SLC26A11: variants seen among roughly 807,000 people sequenced by gnomAD.
SLC26A11 encodes solute carrier family 26 member 11, also known as sodium-independent sulfate anion transporter.
A neutral mutation model predicts 62.2 loss-of-function variants in SLC26A11; 58 were observed. The ratio of observed to expected loss-of-function variants is 0.93; its 90% CI spans 0.76 to 1.16. The LOEUF (loss-of-function observed/expected upper bound fraction) is 1.16. SLC26A11 is among the 50% of genes most tolerant of loss of function. The pLI is 0.00. For synonymous variants in SLC26A11, 411 were observed against 368.9 expected, an observed-to-expected ratio of 1.11 and a Z score of -1.31; for missense variants, 790 against 794.3, an observed-to-expected ratio of 0.99 and a Z score of 0.06.
At chr17:80,221,939 C>T in intron 3 of SLC26A11, 145 bp downstream of exon 3, 1 of 844,508 alleles carries the variant, frequency 1.2e-6, no homozygotes, top group Non-Finnish European at 1.8e-6. Context: ...CGCAGATTGT[C>T]TCTGGGCCGA....
At chr17:80,248,771 T>C in intron 15 of SLC26A11, 97 bp downstream of exon 15, 1 of 1,159,924 alleles carries the variant, frequency 8.6e-7, no homozygotes, top group East Asian at 2.6e-5. Flanking sequence ...TCCCCAACGC[T>C]CTCCAGTCCA....
chr17:80,227,468 A>G (rs941533965), intron 6 of SLC26A11, among the ~76,000 whole-genome samples: 1 of 152,204 alleles, frequency 6.6e-6, no homozygotes, highest in African/African-American at 2.4e-5. Flanking sequence ...GGGCCTCTCC[A>G]CTGCCTGTCC....
chr17:80,250,644 T>C (rs1265352113), intron 16 of SLC26A11, among the ~76,000 whole-genome samples: 1 of 150,070 alleles, frequency 6.7e-6, no homozygotes, highest in East Asian at 2.0e-4. Context: ...CTGGCCAACA[T>C]AGTGAAACTC....
chr17:80,234,852 C>CTTT (rs558869151), intron 7 of SLC26A11, among the ~76,000 whole-genome samples: 6 of 135,974 alleles, frequency 4.4e-5, no homozygotes, highest in Non-Finnish European at 9.6e-5. Flanking sequence ...CTTTTTTTTT[C>CTTT]TTTTTTTTTT....
intron 13 of SLC26A11, among the ~76,000 whole-genome samples, chr17:80,247,713 G>C (rs2043045532): frequency 6.6e-6 from 1 of 152,216 alleles, no homozygotes; most frequent in Admixed American, 6.5e-5. Context: ...AGCCAGGGTG[G>C]GGCAGGCCTG....
At chr17:80,248,772 C>G in intron 15 of SLC26A11, 98 bp downstream of exon 15, 1 of 1,153,964 alleles carries the variant, frequency 8.7e-7, no homozygotes, top group Non-Finnish European at 1.2e-6. Flanking sequence ...CCCCAACGCT[C>G]TCCAGTCCAC....
chr17:80,227,703 T>C (rs2042448462), intron 6 of SLC26A11, 115 bp from the exon 7 acceptor site: 1 of 1,453,532 alleles, frequency 6.9e-7, no homozygotes, highest in Non-Finnish European at 9.2e-7. Context: ...AGCCTGGGCA[T>C]TGGGCCTCCC....
intron 17 of SLC26A11, 100 bp downstream of exon 17, chr17:80,251,501 G>T: frequency 6.8e-7 from 1 of 1,476,426 alleles, no homozygotes; most frequent in Non-Finnish European, 9.2e-7. Flanking sequence ...AGTGGCTCAT[G>T]CCTGTAATCC....
intron 16 of SLC26A11, among the ~76,000 whole-genome samples, chr17:80,250,306 CAG>C (rs926895378): frequency 1.3e-5 from 2 of 152,192 alleles, no homozygotes; most frequent in African/African-American, 4.8e-5. Flanking sequence ...CGACCCTTGT[CAG>C]AGTTTCCTTC....
At position 80,248,302 on chromosome 17, in the gene SLC26A11, A is replaced by C. The variant is rs112301016; in HGVS notation, c.1422+45A>C. The stretch of plus-strand genomic sequence containing the variant: ...GAGTGGGGAGTGTGCTGGGGGCAGG[A>C]TTCCTGGGCATGGTCTTATGTTTTG... On this transcript the variant is annotated intron_variant, in intron 14 of 17. Coordinates refer to ENST00000361193, the MANE Select transcript of SLC26A11 (RefSeq NM_001166347.2). The C allele has an allele frequency of 3.7e-4, 580 of 1,578,956 alleles. 8 individuals carry two copies. In the African/African-American group the frequency reaches 6.2e-3, roughly 17 times the overall value.
chr17:80,249,166 G>T lies in SLC26A11; in HGVS notation c.1535G>T (p.Arg512Leu). 1 of 1,607,770 alleles carries T rather than the reference G, an allele frequency of 6.2e-7. No individual in the cohort carries two copies. ...LSRALEVSPPRCLVLECTHVC... is the reference protein window; with the variant it reads ...LSRALEVSPPLCLVLECTHVC... ...CCTGTCTCCCCAGTGTCCCCGCCAC[G>T]CTGCCTGGTCCTGGAGTGCACCCAT... The change falls in exon 16 of 18, where the codon CGC (arginine) becomes CTC (leucine). Residue 512 changes from arginine (R) to leucine (L), a missense_variant. Arg to Leu is a moderately radical substitution (Grantham distance 102, BLOSUM62 -2). Transcript: ENST00000361193.
intron 9 of SLC26A11, among the ~76,000 whole-genome samples, chr17:80,240,887 G>T (rs1360804440): frequency 1.3e-5 from 2 of 152,130 alleles, no homozygotes; most frequent in Admixed American, 6.6e-5. Flanking sequence ...TAGGCAGGAG[G>T]ATTGCTTGAG....
rs1054737465 is a variant in SLC26A11, at chr17:80,222,929, G to A, written c.427+82G>A. 1.4e-5 allele frequency: 19 copies of A among 1,382,594 alleles called. No homozygotes were observed. Among genetic ancestry groups the A allele is most frequent in the South Asian group, 3.8e-5 (3 of 79,476 alleles). The allele number at this position is 1,382,594 out of a possible 1,614,324, so 85.6% of individuals were successfully genotyped here. ...GCATTTCAAGTCTATCCCCGTGTGC[G>A]TGTGTGTGCGTGTTGGGGTGTGGGT... On this transcript the variant is annotated intron_variant, in intron 4 of 17. Coordinates refer to ENST00000361193, the MANE Select transcript of SLC26A11 (RefSeq NM_001166347.2). The surrounding 1 kb of genome is among the most constrained non-coding windows in gnomAD (Gnocchi z 4.7).
At position 80,246,653 on chromosome 17, in the gene SLC26A11, C is replaced by T. The variant is rs187235153; in HGVS notation, c.1294+4C>T. 1,626 of 1,613,124 alleles carry T rather than the reference C, an allele frequency of 1.0e-3. 8 individuals carry two copies. Among genetic ancestry groups the T allele is most frequent in the Admixed American group, 2.8e-3 (168 of 59,872 alleles). Reference sequence around the variant, plus strand: ...AGGACGCTCTGGCGTGTTAAGAGTACGTCCTTGTCCTACAGGGGAGAGCGC... The same window carrying T: ...AGGACGCTCTGGCGTGTTAAGAGTATGTCCTTGTCCTACAGGGGAGAGCGC... On this transcript the variant is annotated splice_donor_region_variant and intron_variant, in intron 13 of 17. Transcript: ENST00000361193. The surrounding 1 kb of genome is among the most constrained non-coding windows in gnomAD (Gnocchi z 4.4).
rs143015734 is a variant in SLC26A11, at chr17:80,246,718, T to C, written c.1294+69T>C. On this transcript the variant is annotated intron_variant, in intron 13 of 17. Transcript: ENST00000361193. The surrounding 1 kb of genome is among the most constrained non-coding windows in gnomAD (Gnocchi z 4.4). ...TGAACGCGGAGGGTGTCATTTATGC[T>C]ACCCCATTTTCCTGCAGCCCCCTCT... is the stretch of plus-strand genomic sequence containing the variant. The C allele has an allele frequency of 5.7e-3, 8,713 of 1,539,274 alleles. 39 individuals are homozygous for C. The highest frequency in any genetic ancestry group is 0.017 in the Middle Eastern group (101 of 5,930).
intron 5 of SLC26A11, among the ~76,000 whole-genome samples, chr17:80,224,844 A>AGCC (rs1382889817): frequency 4.1e-4 from 63 of 152,178 alleles, no homozygotes; most frequent in Non-Finnish European, 5.7e-4. Flanking sequence ...GGGACTCTGC[A>AGCC]GCCATCTGGG....
chr17:80,252,249 C>G lies in SLC26A11; in HGVS notation c.1730-376C>G, dbSNP rs1460219501. 6.6e-6 allele frequency among the ~76,000 whole-genome samples: 1 copy of G among 152,194 alleles called. No individual in the cohort carries two copies. Among genetic ancestry groups the G allele is most frequent in the East Asian group, 1.9e-4 (1 of 5,196 alleles). ...GAGGTCACAGCTGAAGCTGGGTCAG[C>G]TCCGTGAGAGTGAGGGGTGGCGGAT... On this transcript the variant is annotated intron_variant, in intron 17 of 17. Coordinates refer to ENST00000361193, the MANE Select transcript of SLC26A11 (RefSeq NM_001166347.2). This position sits in a 1 kb window ranked among gnomAD's most constrained non-coding sequence, Gnocchi z 5.2.
In SLC26A11 at chr17:80,240,368, A is replaced by G. The variant is rs550283200; in HGVS notation, c.986-1403A>G. 7.5e-5 allele frequency among the ~76,000 whole-genome samples: 11 copies of G among 146,282 alleles called. 1 individual carries two copies. The South Asian group carries it at 2.4e-3, about 32-fold the overall frequency. ...GGCGACAGAGCAAGACTCCGTCTCAAAAAAAAAAGTTTGCCAACCTCTGTC... is the reference window on the plus strand; with the variant it reads ...GGCGACAGAGCAAGACTCCGTCTCAGAAAAAAAAGTTTGCCAACCTCTGTC... On this transcript the variant is annotated intron_variant, in intron 9 of 17. Coordinates refer to ENST00000361193, the MANE Select transcript of SLC26A11 (RefSeq NM_001166347.2).
chr17:80,238,838 T>A (rs1440010105), intron 9 of SLC26A11, among the ~76,000 whole-genome samples: 2 of 145,092 alleles, frequency 1.4e-5, no homozygotes, highest in Non-Finnish European at 3.0e-5. Flanking sequence ...TTTTTTTTTT[T>A]TTTTGGAGAC....
Sources: gnomAD v4.1 joint callset for allele counts (sites outside exome capture counted in the v4.1 genomes callset) on GRCh38, gnomAD v4.1.1 for gene constraint, Gnocchi (gnomAD v3.1) non-coding constraint, MANE v1.5 for transcripts, NCBI Gene and HGNC (gene_info 2026-07-23, HGNC 2026-07-21) for gene names.